The following SLC25A23 variants were observed in gnomAD, a reference collection of about 807,000 sequenced individuals.
SLC25A23 encodes solute carrier family 25 member 23.
In SLC25A23, 32 loss-of-function variants were observed where a neutral mutation model predicts 53.9. That is an observed-to-expected ratio of 0.59 (90% CI 0.45 to 0.80). SLC25A23 has a LOEUF of 0.80. Among genes scored for constraint, SLC25A23 ranks in the 30% least tolerant of loss-of-function variants. The pLI is 0.00. For missense variants in SLC25A23, 575 were observed against 651.4 expected, an observed-to-expected ratio of 0.88 and a Z score of 1.28; for synonymous variants, 275 against 264.5, an observed-to-expected ratio of 1.04 and a Z score of -0.38.
rs2145132414 is a variant in SLC25A23, at chr19:6,459,719, T to C, written c.-91A>G. The C allele has an allele frequency of 9.0e-7, 1 of 1,112,488 alleles. No homozygotes were observed. Among genetic ancestry groups the C allele is most frequent in the Non-Finnish European group, 1.1e-6 (1 of 886,506 alleles). 68.9% of individuals were successfully genotyped at this position (1,112,488 alleles called of 1,614,324 possible). On this transcript the variant is annotated 5_prime_UTR_variant, in exon 1 of 10. Transcript: ENST00000301454. The surrounding 1 kb of genome is among the most constrained non-coding windows in gnomAD (Gnocchi z 4.6). ...CCTCCCCCCCCGGGACCCCGCAGGG[T>C]CAGCTCCCGCGGCCGCCGGCTCCGC...
chr19:6,439,403 A>T (rs868547956), downstream of SLC25A23, among the ~76,000 whole-genome samples: 976 of 133,738 alleles, frequency 7.3e-3, 7 homozygotes, highest in African/African-American at 0.025. Context: ...TCTCTCTCAC[A>T]CACACACACA....
At chr19:6,442,845 C>T (rs1451868786) in intron 9 of SLC25A23, among the ~76,000 whole-genome samples, 1 of 152,048 alleles carries the variant, frequency 6.6e-6, no homozygotes, top group Non-Finnish European at 1.5e-5. Flanking sequence ...ACCACCACAC[C>T]CGGCCCTTGA....
downstream of SLC25A23, among the ~76,000 whole-genome samples, chr19:6,439,903 C>T (rs891296861): frequency 6.6e-6 from 1 of 152,094 alleles, no homozygotes; most frequent in African/African-American, 2.4e-5. Flanking sequence ...ACTCCCTCCC[C>T]TGCTCCCATT....
chr19:6,442,751 A>G (rs1453895093), intron 9 of SLC25A23, among the ~76,000 whole-genome samples: 1 of 151,972 alleles, frequency 6.6e-6, no homozygotes, highest in Non-Finnish European at 1.5e-5. Flanking sequence ...GGGTTTCTCC[A>G]TGTTGGTCAG....
At position 6,454,087 on chromosome 19, in the gene SLC25A23, A is replaced by G; in HGVS notation, c.797T>C (p.Ile266Thr). The change falls in exon 7 of 10, where the codon ATC becomes ACC. Residue 266 changes from isoleucine to threonine, a missense_variant and splice_region_variant. Transcript: ENST00000301454. This position sits in a 1 kb window ranked among gnomAD's most constrained non-coding sequence, Gnocchi z 4.3. ...CTGCTGCCCCAGGATGGCCCTCTTG[A>G]TCTGAGGCGGGGAGACACAGGGATG... Reference protein sequence around the residue: ...SAIKFMAYEQIKRAILGQQET... With the variant: ...SAIKFMAYEQTKRAILGQQET... 6.2e-7 allele frequency: 1 copy of G among 1,612,062 alleles called. No individual in the cohort carries two copies. Among genetic ancestry groups the G allele is most frequent in the Non-Finnish European group, 8.5e-7 (1 of 1,179,150 alleles).
intron 4 of SLC25A23, chr19:6,456,070 G>A: frequency 7.4e-7 from 1 of 1,349,932 alleles, no homozygotes; most frequent in South Asian, 1.2e-5. Flanking sequence ...TTTTATCCAG[G>A]CAGAGAACCC....
chr19:6,456,617 G>C, intron 3 of SLC25A23, 86 bp from the exon 4 acceptor site: 1 of 952,360 alleles, frequency 1.1e-6, no homozygotes. Context: ...AGGTTTTGCA[G>C]TTTGGGAGGT....
At chr19:6,450,515 T>C (rs929779371) in intron 8 of SLC25A23, among the ~76,000 whole-genome samples, 3 of 152,144 alleles carry the variant, frequency 2.0e-5, no homozygotes, top group Non-Finnish European at 4.4e-5. Flanking sequence ...GCAGGGACCA[T>C]GCTGGTCTCA....
In SLC25A23 at chr19:6,459,690, T is replaced by C. The variant is rs2145131529; in HGVS notation, c.-62A>G. 1 of 1,213,548 alleles carries C rather than the reference T, an allele frequency of 8.2e-7. No homozygotes were observed. The highest frequency in any genetic ancestry group is 1.0e-6 in the Non-Finnish European group (1 of 969,386). The allele number at this position is 1,213,548 out of a possible 1,614,324, so 75.2% of individuals were successfully genotyped here. ...GCGGCCTCAGTGGGGGCTTCGCGGC[T>C]CCCCCTCCCCCCCCGGGACCCCGCA... On this transcript the variant is annotated 5_prime_UTR_variant, in exon 1 of 10. Coordinates refer to ENST00000301454, the MANE Select transcript of SLC25A23 (RefSeq NM_024103.3). The surrounding 1 kb of genome is among the most constrained non-coding windows in gnomAD (Gnocchi z 4.6).
In SLC25A23 at chr19:6,454,856, G is replaced by A. The variant is rs1599338784; in HGVS notation, c.484-139C>T. The A allele has an allele frequency of 3.0e-6, 3 of 1,003,568 alleles. No homozygotes were observed. The highest frequency in any genetic ancestry group is 5.2e-5 in the East Asian group (2 of 38,494). 62.2% of individuals were successfully genotyped at this position (1,003,568 alleles called of 1,614,324 possible). A position where few individuals can be genotyped will look rare whatever the true frequency, so the allele number is the denominator to read the frequency against. On this transcript the variant is annotated intron_variant, in intron 4 of 9. Transcript: ENST00000301454. This position sits in a 1 kb window ranked among gnomAD's most constrained non-coding sequence, Gnocchi z 4.3. ...TGACTCTTGCTTGGAGACCCCAGAA[G>A]AGTCCTGTTGGGTCCTACCAGGTGT...
intron 3 of SLC25A23, among the ~76,000 whole-genome samples, chr19:6,457,101 C>T (rs1399849918): frequency 3.4e-5 from 5 of 149,028 alleles, no homozygotes; most frequent in African/African-American, 7.5e-5. Flanking sequence ...AGTCTCACTC[C>T]GTCACCCTGG....
Position 6,454,047 on chromosome 19 carries a change from C to A in SLC25A23, c.837G>T (p.Val279=). ...AILGQQETLH[V]QERFVAGSLA... is the part of the protein sequence containing the mutation. ...GGGAGCCAGCCACGAAGCGCTCCTG[C>A]ACATGCAGTGTCTCCTGCTGCCCCA... The change falls in exon 7 of 10, where the codon GTG becomes GTT. Residue 279 remains valine, a synonymous_variant. Transcript: ENST00000301454. This position sits in a 1 kb window ranked among gnomAD's most constrained non-coding sequence, Gnocchi z 4.3. 1 of 1,613,618 alleles carries A rather than the reference C, an allele frequency of 6.2e-7. No homozygotes were observed. The highest frequency in any genetic ancestry group is 1.6e-4 in the Middle Eastern group (1 of 6,062).
At chr19:6,442,729 A>T (rs55732112) in intron 9 of SLC25A23, among the ~76,000 whole-genome samples, 10,433 of 151,864 alleles carry the variant, frequency 0.069, 524 homozygotes, top group African/African-American at 0.15. Flanking sequence ...TTTTGTATTT[A>T]TAGTAGAGAC....
chr19:6,441,558 C>A lies in SLC25A23; in HGVS notation c.*417G>T, dbSNP rs1171580519. 4.7e-6 allele frequency: 1 copy of A among 214,810 alleles called. No individual in the cohort carries two copies. Among genetic ancestry groups the A allele is most frequent in the Non-Finnish European group, 9.5e-6 (1 of 105,614 alleles). The allele number at this position is 214,810 out of a possible 1,614,324, so 13.3% of individuals were successfully genotyped here. On this transcript the variant is annotated 3_prime_UTR_variant, in exon 10 of 10. Coordinates refer to ENST00000301454, the MANE Select transcript of SLC25A23 (RefSeq NM_024103.3). ...TGGTTAAGACGTAGAGGTCCAGGATCCAGTAGGGGGCACAGGGAAGCGTGG... is the reference window on the plus strand; with the variant it reads ...TGGTTAAGACGTAGAGGTCCAGGATACAGTAGGGGGCACAGGGAAGCGTGG...
downstream of SLC25A23, chr19:6,438,566 A>G (rs989732002): frequency 2.6e-5 from 4 of 152,324 alleles, no homozygotes; most frequent in African/African-American, 9.7e-5. Flanking sequence ...AATAATAATT[A>G]GGCCAGGCAC....
chr19:6,444,979 T>C (rs144733831), intron 8 of SLC25A23, among the ~76,000 whole-genome samples: 31 of 152,212 alleles, frequency 2.0e-4, no homozygotes, highest in African/African-American at 7.2e-4. Flanking sequence ...ATTATTTTTC[T>C]TTTTACAGAG....
At chr19:6,455,889 T>A (rs1388827093) in intron 4 of SLC25A23, 4 of 588,386 alleles carry the variant, frequency 6.8e-6, no homozygotes, top group African/African-American at 5.9e-5. Context: ...TGGCTCATTT[T>A]TTTAATATTT....
At chr19:6,449,563 C>T (rs185119547) in intron 8 of SLC25A23, among the ~76,000 whole-genome samples, 43 of 152,058 alleles carry the variant, frequency 2.8e-4, no homozygotes, top group Non-Finnish European at 5.6e-4. Context: ...TACAGGTGCC[C>T]GCCACCATGC....
chr19:6,454,382 C>A lies in SLC25A23; in HGVS notation c.736G>T (p.Gly246Cys). Residue 246 changes from glycine to cysteine, a missense_variant, in exon 6 of 10, where the codon GGT becomes TGT. Physicochemically the swap from Gly to Cys is radical, Grantham distance 159 (BLOSUM62 -3). Coordinates refer to ENST00000301454, the MANE Select transcript of SLC25A23 (RefSeq NM_024103.3). This position sits in a 1 kb window ranked among gnomAD's most constrained non-coding sequence, Gnocchi z 4.3. ...GGGGCAATCTTGAGTACATTAATAC[C>A]ATTGCCGCGCCACAGGGAGCGGATG... Reference protein sequence around the residue: ...GGIRSLWRGNGINVLKIAPES... With the variant: ...GGIRSLWRGNCINVLKIAPES... The A allele has an allele frequency of 1.2e-6, 2 of 1,614,174 alleles. No individual in the cohort carries two copies. The highest frequency in any genetic ancestry group is 1.7e-5 in the Admixed American group (1 of 60,014).
Sources: allele counts gnomAD v4.1 joint callset (sites outside exome capture counted in the v4.1 genomes callset), GRCh38; gene constraint gnomAD v4.1.1; non-coding constraint Gnocchi (gnomAD v3.1); transcripts MANE v1.5; gene names NCBI Gene and HGNC (gene_info 2026-07-23, HGNC 2026-07-21).